Variants in CAPN15 observed in about 807,000 individuals in gnomAD.
CAPN15 encodes calpain 15.
In CAPN15, 53 loss-of-function variants were observed where a neutral mutation model predicts 97.9. The ratio of observed to expected loss-of-function variants is 0.54; its 90% CI spans 0.43 to 0.68. The LOEUF (loss-of-function observed/expected upper bound fraction) is 0.68, where lower values mean the gene tolerates loss of function less well. CAPN15 is among the 30% of genes least tolerant of loss of function. The pLI is 0.00. For missense variants in CAPN15, 1,592 were observed against 1,589.8 expected, an observed-to-expected ratio of 1.00 and a Z score of -0.02; for synonymous variants, 922 against 722.5, an observed-to-expected ratio of 1.28 and a Z score of -4.43.
chr16:527,762 A>G lies in CAPN15; in HGVS notation c.-457A>G, dbSNP rs531501576. 2 of 149,422 alleles carry G rather than the reference A, an allele frequency of 1.3e-5. No homozygotes were observed. Among genetic ancestry groups the G allele is most frequent in the African/African-American group, 2.4e-5 (1 of 41,000 alleles). The allele number at this position is 149,422 out of a possible 1,614,324, so 9.3% of individuals were successfully genotyped here. A position where few individuals can be genotyped will look rare whatever the true frequency, so the allele number is the denominator to read the frequency against. The stretch of plus-strand genomic sequence containing the variant: ...GCCGCGTGCGCCCCGGGCGCGCCGT[A>G]GCCGCGGGGCCCGGGCCGGGCGCTA... On this transcript the variant is annotated 5_prime_UTR_variant, in exon 1 of 14. Transcript: ENST00000219611.
rs2034738443 is a variant in CAPN15, at chr16:548,227, G to A, written c.1389G>A (p.Arg463=). 1.9e-6 allele frequency: 3 copies of A among 1,550,734 alleles called. No individual in the cohort carries two copies. Among genetic ancestry groups the A allele is most frequent in the Admixed American group, 2.0e-5 (1 of 49,296 alleles). Residue 463 remains arginine (R), a synonymous_variant, in exon 4 of 14, where the codon CGG becomes CGA. Coordinates refer to ENST00000219611, the MANE Select transcript of CAPN15 (RefSeq NM_005632.3). ...AGAGCATGCACGTGGAGCAGCGGCG[G>A]CAGACAGACGAGGGCGAGGCCAAGG... is the stretch of plus-strand genomic sequence containing the variant. The part of the protein sequence containing the change: ...RRESMHVEQR[R]QTDEGEAKAL...
chr16:553,053 C>CTGCA lies in CAPN15; in HGVS notation c.3083+12_3083+13insTGCA. The CTGCA allele has an allele frequency of 5.7e-6, 8 of 1,414,484 alleles. No homozygotes were observed. The highest frequency in any genetic ancestry group is 2.1e-5 in the Admixed American group (1 of 47,032). The allele number at this position is 1,414,484 out of a possible 1,614,324, so 87.6% of individuals were successfully genotyped here. A position where few individuals can be genotyped will look rare whatever the true frequency, so the allele number is the denominator to read the frequency against. ...CCACCCCTGCACAGGTGCGCCCCCG[C>CTGCA]CCCTGCCCCCCCACCCCTGCACAGG... On this transcript the variant is annotated intron_variant, in intron 13 of 13. Coordinates refer to ENST00000219611, the MANE Select transcript of CAPN15 (RefSeq NM_005632.3).
Position 546,889 on chromosome 16 carries a change from G to C in CAPN15, c.51G>C (p.Pro17=). The C allele has an allele frequency of 6.2e-7, 1 of 1,611,532 alleles. No homozygotes were observed. The highest frequency in any genetic ancestry group is 8.5e-7 in the Non-Finnish European group (1 of 1,179,746). The change falls in exon 4 of 14, where the codon CCG becomes CCC. Residue 17 remains proline (P), a synonymous_variant. Transcript: ENST00000219611. Reference sequence around the variant, plus strand: ...GTGTGCGCTGCACCTTCCTGAACCCGGCCGGCCAGCGCCAGTGCTCCATCT... The same window carrying C: ...GTGTGCGCTGCACCTTCCTGAACCCCGCCGGCCAGCGCCAGTGCTCCATCT... ...WSCVRCTFLN[P]AGQRQCSICE... is the part of the protein sequence containing the mutation.
At chr16:553,275 G>A in intron 13 of CAPN15, 64 bp from the exon 14 acceptor site, 2 of 1,211,626 alleles carry the variant, frequency 1.7e-6, no homozygotes, top group South Asian at 1.3e-5. Context: ...CTGTACAGGT[G>A]GGCACAGCCC....
intron 3 of CAPN15, among the ~76,000 whole-genome samples, chr16:545,548 C>T (rs982205979): frequency 6.6e-6 from 1 of 152,256 alleles, no homozygotes; most frequent in Non-Finnish European, 1.5e-5. Flanking sequence ...GAAGTGCAGA[C>T]GTCTTCCTGA....
Position 552,334 on chromosome 16 carries a change from C to T in CAPN15, c.2541C>T (p.Asp847=), listed in dbSNP as rs2035149900. The change falls in exon 11 of 14, where the codon GAC becomes GAT. Residue 847 remains aspartate, a synonymous_variant. Transcript: ENST00000219611. This position sits in a 1 kb window ranked among gnomAD's most constrained non-coding sequence, Gnocchi z 6.4. ...ACGCCGTGGACAGCCACCTGCTGGA[C>T]CTGTGCATCCTGGTGTTCCGGGCCA... ...RSDAVDSHLL[D]LCILVFRATF... is the part of the protein sequence containing the mutation. 5 of 1,585,682 alleles carry T rather than the reference C, an allele frequency of 3.2e-6. No individual in the cohort carries two copies. Among genetic ancestry groups the T allele is most frequent in the East Asian group, 4.6e-5 (2 of 43,702 alleles).
At chr16:534,234 G>GCGACGGGGAGGGC (rs1363610070) in intron 2 of CAPN15, among the ~76,000 whole-genome samples, 1 of 146,328 alleles carries the variant, frequency 6.8e-6, no homozygotes, top group African/African-American at 2.8e-5. Context: ...GTCCCGACAG[G>GCGACGGGGAGGGC]GGTGTTTGTC....
rs1174360845 is a variant in CAPN15 at position 551,341 on chromosome 16, G to A, written c.2106G>A (p.Lys702=). ...MGASCGGGNM[K]VDDSAYESLG... is the part of the protein sequence containing the mutation. ...CCTCCTGTGGCGGGGGCAACATGAAGGTGGACGATTCGGCCTACGAGAGCC... is the reference window on the plus strand; with the variant it reads ...CCTCCTGTGGCGGGGGCAACATGAAAGTGGACGATTCGGCCTACGAGAGCC... Residue 702 remains lysine (K), a synonymous_variant, in exon 8 of 14, where the codon AAG becomes AAA. Transcript: ENST00000219611. The A allele has an allele frequency of 2.5e-6, 4 of 1,607,726 alleles. No individual in the cohort carries two copies. Among genetic ancestry groups the A allele is most frequent in the Non-Finnish European group, 3.4e-6 (4 of 1,177,868 alleles).
Position 551,626 on chromosome 16 carries a change from T to C in CAPN15, c.2307T>C (p.Ser769=), listed in dbSNP as rs1000570509. 8.1e-6 allele frequency: 13 copies of C among 1,604,930 alleles called. No homozygotes were observed. The highest frequency in any genetic ancestry group is 1.1e-5 in the Non-Finnish European group (13 of 1,178,172). ...LRGELMPHGS[S]EGVFWMEYGD... ...GCGAGCTCATGCCGCACGGCAGCAG[T>C]GAGGGTGTCTTCTGGATGGAGTACG... The change falls in exon 9 of 14, where the codon AGT becomes AGC. Residue 769 remains serine, a synonymous_variant. Coordinates refer to ENST00000219611, the MANE Select transcript of CAPN15 (RefSeq NM_005632.3).
chr16:551,809 A>G, intron 9 of CAPN15, 145 bp downstream of exon 9: 2 of 1,133,780 alleles, frequency 1.8e-6, no homozygotes, highest in Non-Finnish European at 2.6e-6. Context: ...TTCAGCTCCA[A>G]GGTGCCAACC....
At position 548,403 on chromosome 16, in the gene CAPN15, A is replaced by T. The variant is rs147509264; in HGVS notation, c.1449+116A>T. 876 of 1,078,328 alleles carry T rather than the reference A, an allele frequency of 8.1e-4. 7 individuals carry two copies. The African/African-American group carries it at 0.012, about 15-fold the overall frequency. The allele number at this position is 1,078,328 out of a possible 1,614,324, so 66.8% of individuals were successfully genotyped here. A position where few individuals can be genotyped will look rare whatever the true frequency, so the allele number is the denominator to read the frequency against. On this transcript the variant is annotated intron_variant, in intron 4 of 13. Transcript: ENST00000219611. ...AGGAGCCCACAAGGCCTAAGACGTG[A>T]TGGGGAGGGCAGCACCCTCCGCCCC...
intron 3 of CAPN15, chr16:536,826 C>T (rs1335032178): frequency 6.6e-6 from 1 of 152,312 alleles, no homozygotes; most frequent in African/African-American, 2.4e-5. Flanking sequence ...TCGGGAAGGC[C>T]AGCAGGGTGG....
In CAPN15 at chr16:547,661, C is replaced by T; in HGVS notation, c.823C>T (p.Pro275Ser). Residue 275 changes from proline (P) to serine (S), a missense_variant, in exon 4 of 14, where the codon CCC becomes TCC. Transcript: ENST00000219611. ...ACCCTCTGCCGGCTGCAGGGGAGCC[C>T]CCCAGGGCTCGGGCTGGGCTGGGGC... ...PSPSAGCRGA[P>S]QGSGWAGASR... 6.3e-7 allele frequency: 1 copy of T among 1,577,926 alleles called. No homozygotes were observed. The highest frequency in any genetic ancestry group is 8.6e-7 in the Non-Finnish European group (1 of 1,161,640).
In CAPN15 at chr16:535,094, G is replaced by C. The variant is rs1567135437; in HGVS notation, c.-136-935G>C. Among the ~76,000 whole-genome samples the C allele has an allele frequency of 6.6e-6, 1 of 152,148 alleles. No homozygotes were observed. On this transcript the variant is annotated intron_variant, in intron 2 of 13. Coordinates refer to ENST00000219611, the MANE Select transcript of CAPN15 (RefSeq NM_005632.3). This position sits in a 1 kb window ranked among gnomAD's most constrained non-coding sequence, Gnocchi z 6.2. ...GCTGTGCCAGCCCTGCTCCCATGTG[G>C]GCTCCCAGCTCCCCAGGTAGGGACG...
intron 3 of CAPN15, among the ~76,000 whole-genome samples, chr16:543,672 G>A (rs865955541): frequency 6.6e-6 from 1 of 152,294 alleles, no homozygotes. Context: ...CTAGAGATGG[G>A]CGAGAGCGGT....
intron 1 of CAPN15, 72 bp downstream of exon 1, chr16:528,101 G>T (rs1185522641): frequency 6.8e-6 from 1 of 146,696 alleles, no homozygotes; most frequent in African/African-American, 2.5e-5. Context: ...GGCCCGGAGG[G>T]CGGCGGGGAG....
intron 2 of CAPN15, among the ~76,000 whole-genome samples, chr16:534,228 C>CGGCGGGGCCGTGGTCCTGTCGTGG (rs2033515342): frequency 6.6e-6 from 1 of 151,972 alleles, no homozygotes; most frequent in Non-Finnish European, 1.5e-5. Flanking sequence ...CCCGGGGTCC[C>CGGCGGGGCCGTGGTCCTGTCGTGG]GACAGGGGTG....
At position 552,323 on chromosome 16, in the gene CAPN15, C is replaced by T. The variant is rs1361296404; in HGVS notation, c.2530C>T (p.His844Tyr). The T allele has an allele frequency of 3.2e-6, 5 of 1,577,486 alleles. No individual in the cohort carries two copies. The highest frequency in any genetic ancestry group is 4.3e-6 in the Non-Finnish European group (5 of 1,167,176). Residue 844 changes from histidine to tyrosine, a missense_variant, in exon 11 of 14, where the codon CAC (histidine) becomes TAC (tyrosine). By Grantham distance (83) the His-to-Tyr change is moderately conservative. This residue lies in a region of CAPN15 where 644 missense variants were observed against 699.6 expected (regional missense o/e 0.92). Coordinates refer to ENST00000219611, the MANE Select transcript of CAPN15 (RefSeq NM_005632.3). The surrounding 1 kb of genome is among the most constrained non-coding windows in gnomAD (Gnocchi z 6.4). ...GSRRSDAVDS[H>Y]LLDLCILVFR... The stretch of plus-strand genomic sequence containing the variant: ...CAGGCGCTCGGACGCCGTGGACAGC[C>T]ACCTGCTGGACCTGTGCATCCTGGT...
chr16:530,614 A>G (rs1172998806), intron 1 of CAPN15, among the ~76,000 whole-genome samples: 1 of 152,204 alleles, frequency 6.6e-6, no homozygotes, highest in Non-Finnish European at 1.5e-5. Context: ...GGTCACACAC[A>G]GCTGGGTGGA....
Sources: gnomAD v4.1 joint callset for allele counts (sites outside exome capture counted in the v4.1 genomes callset) on GRCh38, gnomAD v4.1.1 for gene constraint, gnomAD v4.1.1 regional missense constraint, Gnocchi (gnomAD v3.1) non-coding constraint, MANE v1.5 for transcripts, NCBI Gene and HGNC (gene_info 2026-07-23, HGNC 2026-07-21) for gene names.